Variants in DLGAP1 observed in about 807,000 individuals in gnomAD.
The protein encoded by DLGAP1 is DLG associated protein 1, also known as disks large-associated protein 1.
DLGAP1 carries 11 observed loss-of-function variants against 90.8 expected under a neutral mutation model. The ratio of observed to expected loss-of-function variants is 0.12; its 90% CI spans 0.08 to 0.20. The LOEUF is 0.20. Ranked by LOEUF, DLGAP1 falls within the 10% of genes least tolerant of loss-of-function variation. The pLI, the probability that DLGAP1 is intolerant of heterozygous loss-of-function variation, is 1.00. For missense variants in DLGAP1, 1,050 were observed against 1,333.8 expected (o/e 0.79, Z 3.31); for synonymous variants, 558 against 540.7 (o/e 1.03, Z -0.44).
chr18:3,580,269 C>T, intron 8 of DLGAP1: 2 of 1,607,938 alleles, frequency 1.2e-6, no homozygotes, highest in Non-Finnish European at 1.7e-6. Context: ...GTGGGGGACG[C>T]TCCAGGCACC....
intron 1 of DLGAP1, among the ~76,000 whole-genome samples, chr18:4,382,764 G>A (rs543099427): frequency 4.2e-4 from 64 of 152,182 alleles, no homozygotes; most frequent in Admixed American, 7.9e-4. Flanking sequence ...TATATTTCAT[G>A]CTATCTCACA....
intron 2 of DLGAP1, among the ~76,000 whole-genome samples, chr18:4,135,990 G>T (rs1296398180): frequency 6.6e-6 from 1 of 151,666 alleles, no homozygotes; most frequent in Non-Finnish European, 1.5e-5. Context: ...TTTACATTAG[G>T]TATATCTCCT....
intron 1 of DLGAP1, among the ~76,000 whole-genome samples, chr18:4,261,385 T>C (rs1245325508): frequency 2.0e-5 from 3 of 152,142 alleles, no homozygotes; most frequent in African/African-American, 7.2e-5. Context: ...CTCTATCTTC[T>C]AGCATTATGG....
At position 3,742,374 on chromosome 18, in the gene DLGAP1, C is replaced by T. The variant is rs747797624; in HGVS notation, c.1311G>A (p.Arg437=). The T allele has an allele frequency of 1.2e-6, 2 of 1,614,104 alleles. No individual in the cohort carries two copies. The highest frequency in any genetic ancestry group is 1.1e-5 in the South Asian group (1 of 91,086). The change falls in exon 6 of 13, where the codon AGG becomes AGA. Residue 437 remains arginine (R), a synonymous_variant. Transcript: ENST00000315677. Reference sequence around the variant, plus strand: ...TCATGGCTCGCATGTAGCTCTCATTCCTGGAGCGGAACTTTGGTGATGTGA... The same window carrying T: ...TCATGGCTCGCATGTAGCTCTCATTTCTGGAGCGGAACTTTGGTGATGTGA... The part of the protein sequence containing the change: ...GLLTSPKFRS[R]NESYMRAMST...
chr18:4,099,345 A>G (rs9964776), intron 2 of DLGAP1, among the ~76,000 whole-genome samples: 15,315 of 72,230 alleles, frequency 0.21, 854 homozygotes, highest in African/African-American at 0.29. Context: ...CTATCTATCT[A>G]TCTGTCTGTC....
chr18:3,818,526 CT>C (rs1301401432), intron 4 of DLGAP1, among the ~76,000 whole-genome samples: 1 of 151,404 alleles, frequency 6.6e-6, no homozygotes, highest in African/African-American at 2.4e-5. Flanking sequence ...TGCCCAGCTA[CT>C]TTTTGTATTG....
intron 4 of DLGAP1, among the ~76,000 whole-genome samples, chr18:3,853,122 A>G (rs2069438304): frequency 6.6e-6 from 1 of 152,044 alleles, no homozygotes; most frequent in African/African-American, 2.4e-5. Context: ...TCTTTTTCTG[A>G]GTAAATTTTA....
chr18:3,542,152 G>A (rs772212903), intron 9 of DLGAP1, among the ~76,000 whole-genome samples: 2 of 152,172 alleles, frequency 1.3e-5, no homozygotes, highest in Admixed American at 1.3e-4. Context: ...TATACTAGGA[G>A]AGAAGGAGGT....
In DLGAP1 at chr18:3,847,804, C is replaced by T. The variant is rs143159603; in HGVS notation, c.957+31308G>A. On this transcript the variant is annotated intron_variant, in intron 4 of 12. Transcript: ENST00000315677. The stretch of plus-strand genomic sequence containing the variant: ...CACAGGTAAGTGATAAGTGCCTACA[C>T]AAAGTGCCCCAAAAGGGCTAAAGCC... 4.1e-3 allele frequency among the ~76,000 whole-genome samples: 624 copies of T among 152,126 alleles called. 3 individuals carry two copies. The highest frequency in any genetic ancestry group is 0.014 in the African/African-American group (574 of 41,504).
At chr18:4,137,868 C>G (rs929467694) in intron 2 of DLGAP1, among the ~76,000 whole-genome samples, 1 of 151,748 alleles carries the variant, frequency 6.6e-6, no homozygotes, top group Non-Finnish European at 1.5e-5. Context: ...TAGGTGTTTA[C>G]TGTCACTTGC....
intron 7 of DLGAP1, among the ~76,000 whole-genome samples, chr18:3,704,587 A>G (rs34223181): frequency 0.15 from 22,964 of 151,844 alleles, 2,280 homozygotes; most frequent in East Asian, 0.46. Flanking sequence ...AAAAAAAAAG[A>G]AAAAGAAAAA....
chr18:3,527,955 T>C (rs1389614654), intron 10 of DLGAP1, among the ~76,000 whole-genome samples: 2 of 152,216 alleles, frequency 1.3e-5, no homozygotes, highest in Non-Finnish European at 2.9e-5. Flanking sequence ...CAGTGAAGTG[T>C]ACCATTCGGA....
intron 4 of DLGAP1, among the ~76,000 whole-genome samples, chr18:3,834,507 C>G (rs973300305): frequency 2.0e-5 from 3 of 151,858 alleles, no homozygotes; most frequent in Admixed American, 2.0e-4. Context: ...CCTGTGTTCC[C>G]GGTGTCTGGA....
chr18:3,564,868 A>C lies in DLGAP1; in HGVS notation c.2057+2622T>G, dbSNP rs117160596. ...CCCTGTGACCTCCCTTCTCTAAGAG[A>C]TATACAAAGAGATGTTGATTTTTTA... On this transcript the variant is annotated intron_variant, in intron 9 of 12. Transcript: ENST00000315677. 8.5e-5 allele frequency among the ~76,000 whole-genome samples: 13 copies of C among 152,300 alleles called. No individual in the cohort carries two copies. The East Asian group carries it at 1.9e-3, about 23-fold the overall frequency.
intron 7 of DLGAP1, among the ~76,000 whole-genome samples, chr18:3,717,871 G>A (rs1200621861): frequency 6.6e-6 from 1 of 152,136 alleles, no homozygotes; most frequent in Non-Finnish European, 1.5e-5. Flanking sequence ...CTCCTTGTAG[G>A]GTCACAAGGT....
intron 1 of DLGAP1, among the ~76,000 whole-genome samples, chr18:4,338,695 A>G (rs1053941657): frequency 6.6e-6 from 1 of 152,220 alleles, no homozygotes; most frequent in African/African-American, 2.4e-5. Flanking sequence ...TGAATAAGAC[A>G]TTAAATAAAT....
chr18:3,672,986 T>C (rs1567939640), intron 7 of DLGAP1, among the ~76,000 whole-genome samples: 1 of 152,200 alleles, frequency 6.6e-6, no homozygotes, highest in Non-Finnish European at 1.5e-5. Context: ...TTTGCCTCTT[T>C]AATTTATTCT....
At chr18:3,700,648 T>C (rs1016113295) in intron 7 of DLGAP1, among the ~76,000 whole-genome samples, 10 of 152,210 alleles carry the variant, frequency 6.6e-5, no homozygotes, top group Non-Finnish European at 1.3e-4. Context: ...CTCTGTCTGT[T>C]GCCCAGGCTG....
At chr18:3,939,438 A>C (rs1443977989) in intron 3 of DLGAP1, among the ~76,000 whole-genome samples, 1 of 139,322 alleles carries the variant, frequency 7.2e-6, no homozygotes, top group Non-Finnish European at 1.6e-5. Flanking sequence ...AAAAAAAAAA[A>C]ACCAACAAAA....
Sources: allele counts gnomAD v4.1 joint callset (sites outside exome capture counted in the v4.1 genomes callset), GRCh38; gene constraint gnomAD v4.1.1; transcripts MANE v1.5; gene names NCBI Gene and HGNC (gene_info 2026-07-23, HGNC 2026-07-21).